KCNMB4: variants seen among roughly 807,000 people sequenced by gnomAD.
The protein encoded by KCNMB4 is calcium-activated potassium channel subunit beta-4.
A neutral mutation model predicts 20.7 loss-of-function variants in KCNMB4; 3 were observed. The ratio of observed to expected loss-of-function variants is 0.14; its 90% CI spans 0.07 to 0.37. KCNMB4 has a LOEUF of 0.37. KCNMB4 is among the 10% of genes least tolerant of loss of function. The pLI is 1.00. For synonymous variants in KCNMB4, 110 were observed against 113.4 expected, an observed-to-expected ratio of 0.97 and a Z score of 0.19; for missense variants, 168 against 265.9, an observed-to-expected ratio of 0.63 and a Z score of 2.56.
intron 2 of KCNMB4, among the ~76,000 whole-genome samples, chr12:70,423,582 G>T (rs535830091): frequency 6.6e-6 from 1 of 151,916 alleles, no homozygotes; most frequent in African/African-American, 2.4e-5. Context: ...AGGCTCAAGC[G>T]ATACTTTCAC....
intron 2 of KCNMB4, among the ~76,000 whole-genome samples, chr12:70,405,555 G>A (rs1186739240): frequency 6.6e-6 from 1 of 152,190 alleles, no homozygotes; most frequent in Non-Finnish European, 1.5e-5. Context: ...AAAGGATGCA[G>A]CTGCTATGGA....
intron 2 of KCNMB4, among the ~76,000 whole-genome samples, chr12:70,411,780 A>C (rs1018163755): frequency 5.3e-5 from 8 of 152,194 alleles, no homozygotes; most frequent in Non-Finnish European, 8.8e-5. Context: ...CCTGTCTAAA[A>C]AAAGAAAAAA....
intron 2 of KCNMB4, among the ~76,000 whole-genome samples, chr12:70,407,868 G>A (rs983030397): frequency 3.3e-5 from 5 of 152,036 alleles, no homozygotes; most frequent in Non-Finnish European, 7.4e-5. Flanking sequence ...ACTTGGGCAT[G>A]GTTGAAAGGG....
At chr12:70,405,685 A>G (rs979741909) in intron 2 of KCNMB4, among the ~76,000 whole-genome samples, 5 of 152,200 alleles carry the variant, frequency 3.3e-5, no homozygotes, top group Admixed American at 3.3e-4. Flanking sequence ...CAAGATCCTG[A>G]AGAGCACTCC....
intron 1 of KCNMB4, among the ~76,000 whole-genome samples, chr12:70,388,786 G>A (rs968190020): frequency 6.6e-6 from 1 of 152,134 alleles, no homozygotes; most frequent in Non-Finnish European, 1.5e-5. Context: ...TTAATATATG[G>A]AAAGCTCCTA....
At chr12:70,382,467 A>G (rs1223768091) in intron 1 of KCNMB4, among the ~76,000 whole-genome samples, 1 of 151,100 alleles carries the variant, frequency 6.6e-6, no homozygotes, top group Non-Finnish European at 1.5e-5. Flanking sequence ...ATTTAAAGGT[A>G]CAAAAATAAA....
chr12:70,391,822 G>C (rs556908693), intron 1 of KCNMB4, among the ~76,000 whole-genome samples: 1 of 152,168 alleles, frequency 6.6e-6, no homozygotes, highest in Non-Finnish European at 1.5e-5. Context: ...AAGTCACACT[G>C]AATCATTGCT....
chr12:70,368,465 A>T (rs1036012667), intron 1 of KCNMB4, among the ~76,000 whole-genome samples: 3 of 152,166 alleles, frequency 2.0e-5, no homozygotes, highest in Non-Finnish European at 2.9e-5. Context: ...TAGGACTAAG[A>T]ATATAGAATT....
At chr12:70,395,487 T>C (rs1022581790) in intron 1 of KCNMB4, among the ~76,000 whole-genome samples, 2 of 152,166 alleles carry the variant, frequency 1.3e-5, no homozygotes, top group African/African-American at 4.8e-5. Flanking sequence ...AAAACGATTC[T>C]ATTAAAATAT....
intron 2 of KCNMB4, among the ~76,000 whole-genome samples, chr12:70,410,262 A>C (rs142637240): frequency 1.3e-5 from 2 of 152,334 alleles, no homozygotes; most frequent in African/African-American, 4.8e-5. Context: ...TAATTCCTAC[A>C]AAAGTGTTTG....
At position 70,427,033 on chromosome 12, in the gene KCNMB4, TG is replaced by T. The variant is rs533420480; in HGVS notation, c.465-3451del. Among the ~76,000 whole-genome samples, 206 of 152,352 alleles carry T rather than the reference TG, an allele frequency of 1.4e-3. 1 individual carries two copies. The highest frequency in any genetic ancestry group is 4.6e-3 in the African/African-American group (193 of 41,582). On this transcript the variant is annotated intron_variant, in intron 2 of 2. Coordinates refer to ENST00000258111, the MANE Select transcript of KCNMB4 (RefSeq NM_014505.6). ...AGATATAGAGTAATTACCCCTTTTT[TG>T]CTTATTGTCCACATATTCTTGTCAC...
chr12:70,429,027 T>C (rs1593351510), intron 2 of KCNMB4, among the ~76,000 whole-genome samples: 1 of 152,314 alleles, frequency 6.6e-6, no homozygotes, highest in South Asian at 2.1e-4. Flanking sequence ...AATGCAAGGA[T>C]TTTGTAATTT....
intron 2 of KCNMB4, among the ~76,000 whole-genome samples, chr12:70,406,474 C>G (rs768194510): frequency 6.6e-6 from 1 of 152,082 alleles, no homozygotes; most frequent in African/African-American, 2.4e-5. Flanking sequence ...GGAACGTGCC[C>G]TGAAGAAAAC....
intron 2 of KCNMB4, among the ~76,000 whole-genome samples, chr12:70,408,493 G>T (rs1056368973): frequency 6.6e-6 from 1 of 152,138 alleles, no homozygotes; most frequent in Non-Finnish European, 1.5e-5. Flanking sequence ...GATTAGAGGA[G>T]TCTTAGCTTT....
At chr12:70,422,723 C>G in intron 2 of KCNMB4, 1 of 1,289,078 alleles carries the variant, frequency 7.8e-7, no homozygotes, top group Non-Finnish European at 1.0e-6. Flanking sequence ...ATGATTACCC[C>G]TCTTTATTTC....
At chr12:70,370,630 C>T (rs796900430) in intron 1 of KCNMB4, among the ~76,000 whole-genome samples, 6 of 151,096 alleles carry the variant, frequency 4.0e-5, no homozygotes, top group Admixed American at 6.6e-5. Context: ...TTTAGGGAGT[C>T]GGTATAAAAG....
At chr12:70,396,559 AC>A (rs1387696001) in intron 1 of KCNMB4, among the ~76,000 whole-genome samples, 2 of 152,008 alleles carry the variant, frequency 1.3e-5, no homozygotes, top group African/African-American at 4.8e-5. Context: ...GCCCGCCTCA[AC>A]CTCCCAAAGT....
intron 1 of KCNMB4, among the ~76,000 whole-genome samples, chr12:70,376,006 G>C (rs1883678669): frequency 6.6e-6 from 1 of 151,872 alleles, no homozygotes; most frequent in Admixed American, 6.6e-5. Context: ...ATGATGAAGT[G>C]GGATTTATTC....
chr12:70,397,863 AAG>A (rs768204821), intron 1 of KCNMB4, among the ~76,000 whole-genome samples: 7 of 152,202 alleles, frequency 4.6e-5, no homozygotes, highest in Non-Finnish European at 1.0e-4. Context: ...CCATTGCAAA[AAG>A]GGCTCTGATG....
Sources: gnomAD v4.1 joint callset for allele counts (sites outside exome capture counted in the v4.1 genomes callset) on GRCh38, gnomAD v4.1.1 for gene constraint, MANE v1.5 for transcripts, NCBI Gene and HGNC (gene_info 2026-07-23, HGNC 2026-07-21) for gene names.